The following PASD1 variants were observed in gnomAD, a reference collection of about 807,000 sequenced individuals.
PASD1 encodes PAS domain containing repressor 1, also known as circadian clock protein PASD1.
In PASD1, 13 loss-of-function variants were observed where a neutral mutation model predicts 58.8. The observed-to-expected ratio is 0.22, with a 90% CI of 0.14 to 0.35. PASD1 has a LOEUF of 0.35. PASD1 is among the 10% of genes least tolerant of loss of function. The probability of loss-of-function intolerance (pLI) is 1.00; values close to 1 mark genes in which losing one functional copy is unlikely to be tolerated. For synonymous variants in PASD1, 236 were observed against 216.7 expected (o/e 1.09, Z -0.78); for missense variants, 734 against 568.3 (o/e 1.29, Z -2.96).
At chrX:151,628,882 A>T (rs186268099) in intron 8 of PASD1, among the ~76,000 whole-genome samples, 1 of 111,169 alleles carries the variant, frequency 9.0e-6, no homozygotes, top group African/African-American at 3.3e-5. Context: ...AGTGGTTTGT[A>T]GTTCTCCTTG....
chrX:151,674,319 C>A, intron 15 of PASD1, 133 bp downstream of exon 15: 1 of 841,425 alleles, frequency 1.2e-6, no homozygotes, highest in Non-Finnish European at 1.7e-6. Context: ...CATTTGACGG[C>A]AGTTAGTCAC....
chrX:151,583,834 A>C (rs910832651), intron 1 of PASD1, among the ~76,000 whole-genome samples: 8 of 111,955 alleles, frequency 7.1e-5, no homozygotes, highest in Admixed American at 5.7e-4. Flanking sequence ...TTTTGACTTA[A>C]GGTGCTTTCA....
At chrX:151,566,100 A>G (rs933319762) in intron 1 of PASD1, among the ~76,000 whole-genome samples, 2 of 112,455 alleles carry the variant, frequency 1.8e-5, no homozygotes, top group Non-Finnish European at 3.8e-5. Flanking sequence ...ATTTCATTCA[A>G]CACATATTCA....
chrX:151,664,198 G>A lies in PASD1; in HGVS notation c.921G>A (p.Ser307=), dbSNP rs760155655. Residue 307 remains serine (S), a synonymous_variant, in exon 11 of 16, where the codon TCG becomes TCA. Transcript: ENST00000370357. ...YRADPVDLEF[S]VDQVDSVDQE... ...CAGACCCAGTGGACCTGGAGTTCTC[G>A]GTGGATCAGGTGGACTCAGTGGACC... 1.6e-5 allele frequency: 19 copies of A among 1,209,284 alleles called. No individual in the cohort carries two copies. Among genetic ancestry groups the A allele is most frequent in the Admixed American group, 8.8e-5 (4 of 45,689 alleles).
chrX:151,576,260 C>G (rs773851074), intron 1 of PASD1, among the ~76,000 whole-genome samples: 1 of 111,439 alleles, frequency 9.0e-6, no homozygotes, highest in Non-Finnish European at 1.9e-5. Context: ...CCTGCCTCAC[C>G]CTCCAAAAGT....
chrX:151,602,631 G>T (rs1264171552), intron 2 of PASD1, among the ~76,000 whole-genome samples: 1 of 110,726 alleles, frequency 9.0e-6, no homozygotes, highest in Admixed American at 9.6e-5. Context: ...GGAAGGCGGA[G>T]GTTGTAGTGA....
chrX:151,601,029 A>G (rs778721891), intron 1 of PASD1, among the ~76,000 whole-genome samples: 2 of 112,352 alleles, frequency 1.8e-5, no homozygotes, highest in South Asian at 7.3e-4. Context: ...ATTGTTTTAT[A>G]TGTCAAGGAT....
chrX:151,668,183 G>A (rs186987713), intron 11 of PASD1, among the ~76,000 whole-genome samples: 12 of 111,568 alleles, frequency 1.1e-4, no homozygotes, highest in African/African-American at 3.3e-4. Flanking sequence ...ACGTCCCATC[G>A]ATACCTAATT....
rs185644748 is a variant in PASD1 at position 151,580,645 on chromosome X, C to G, written c.-28+16806C>G. On this transcript the variant is annotated intron_variant, in intron 1 of 15. Coordinates refer to ENST00000370357, the MANE Select transcript of PASD1 (RefSeq NM_173493.3). ...AATTAAAATATTTTAGAAAATAATA[C>G]AATATAAACATGCAATACAATAAAT... Among the ~76,000 whole-genome samples the G allele has an allele frequency of 3.3e-3, 347 of 106,061 alleles. 1 individual carries two copies. Among genetic ancestry groups the G allele is most frequent in the African/African-American group, 0.011 (332 of 29,178 alleles). The allele number at this position is 106,061 out of a possible 115,157, so 92.1% of individuals were successfully genotyped here.
intron 10 of PASD1, among the ~76,000 whole-genome samples, chrX:151,662,456 C>G (rs920033448): frequency 2.7e-5 from 3 of 110,493 alleles, no homozygotes; most frequent in Admixed American, 1.9e-4. Flanking sequence ...TTATTTAGGT[C>G]CTTTATTTGG....
intron 11 of PASD1, among the ~76,000 whole-genome samples, chrX:151,668,761 C>G (rs1368150200): frequency 5.5e-5 from 6 of 109,839 alleles, no homozygotes; most frequent in African/African-American, 1.7e-4. Flanking sequence ...GGATTCACAG[C>G]TGAATTCTAC....
At chrX:151,604,028 T>C (rs2013454631) in intron 2 of PASD1, among the ~76,000 whole-genome samples, 1 of 110,939 alleles carries the variant, frequency 9.0e-6, no homozygotes, top group Non-Finnish European at 1.9e-5. Flanking sequence ...AGGGTGGAGT[T>C]GGGGAGGTAG....
intron 1 of PASD1, among the ~76,000 whole-genome samples, chrX:151,597,248 C>G (rs1162865397): frequency 8.9e-6 from 1 of 112,085 alleles, no homozygotes; most frequent in Non-Finnish European, 1.9e-5. Flanking sequence ...TATCAGTTCT[C>G]TAAATGTTTA....
At chrX:151,593,205 C>T (rs757705350) in intron 1 of PASD1, among the ~76,000 whole-genome samples, 115 of 110,311 alleles carry the variant, frequency 1.0e-3, no homozygotes, top group African/African-American at 3.6e-3. Flanking sequence ...TTTTATCCCA[C>T]TTTTTTGTAG....
chrX:151,655,188 A>G (rs946924696), intron 9 of PASD1, among the ~76,000 whole-genome samples: 14 of 110,608 alleles, frequency 1.3e-4, no homozygotes, highest in African/African-American at 4.6e-4. Context: ...TGAACTCATC[A>G]TTTTTTATGG....
chrX:151,591,176 C>T (rs1351109779), intron 1 of PASD1, among the ~76,000 whole-genome samples: 1 of 111,749 alleles, frequency 8.9e-6, no homozygotes, highest in East Asian at 2.8e-4. Flanking sequence ...CAATTAGACA[C>T]TGATACATCT....
At chrX:151,627,361 C>A (rs938654236) in intron 8 of PASD1, among the ~76,000 whole-genome samples, 7 of 109,123 alleles carry the variant, frequency 6.4e-5, no homozygotes, top group Non-Finnish European at 7.6e-5. Context: ...CCCACTCCCC[C>A]CACCCCACAA....
rs767392826 is a variant in PASD1 at position 151,676,355 on chromosome X, C to G, written c.*212C>G. ...TTATGCTGTAGAGGCAGCCTGTGAT[C>G]CGTAGTATGCTAGGGTGTGACAGCA... is the stretch of plus-strand genomic sequence containing the variant. On this transcript the variant is annotated 3_prime_UTR_variant, in exon 16 of 16. Coordinates refer to ENST00000370357, the MANE Select transcript of PASD1 (RefSeq NM_173493.3). 4 of 377,634 alleles carry G rather than the reference C, an allele frequency of 1.1e-5. No homozygotes were observed. The highest frequency in any genetic ancestry group is 1.0e-4 in the African/African-American group (4 of 38,741). 31.1% of individuals were successfully genotyped at this position (377,634 alleles called of 1,213,427 possible).
chrX:151,593,188 T>C (rs1446378115), intron 1 of PASD1, among the ~76,000 whole-genome samples: 1 of 111,144 alleles, frequency 9.0e-6, no homozygotes, highest in East Asian at 2.8e-4. Flanking sequence ...CTGAGTGGTA[T>C]ATATGTTTTT....
Sources: gnomAD v4.1 joint callset for allele counts (sites outside exome capture counted in the v4.1 genomes callset) on GRCh38, gnomAD v4.1.1 for gene constraint, MANE v1.5 for transcripts, NCBI Gene and HGNC (gene_info 2026-07-23, HGNC 2026-07-21) for gene names.